Variants in SLC4A7 observed in about 807,000 individuals in gnomAD.
SLC4A7 encodes sodium bicarbonate cotransporter 3.
Under a neutral mutation model 137.6 loss-of-function variants are expected in SLC4A7, and 51 were observed. The observed-to-expected ratio is 0.37, with a 90% CI of 0.30 to 0.47. SLC4A7 has a LOEUF of 0.47. Among genes scored for constraint, SLC4A7 ranks in the 20% least tolerant of loss-of-function variants. SLC4A7 has a pLI of 1.00. For missense variants in SLC4A7, 1,247 were observed against 1,525.4 expected (o/e 0.82, Z 3.04); for synonymous variants, 542 against 518.6 (o/e 1.05, Z -0.61).
chr3:27,453,764 C>T (rs965276466), intron 1 of SLC4A7, among the ~76,000 whole-genome samples: 1 of 152,104 alleles, frequency 6.6e-6, no homozygotes, highest in Non-Finnish European at 1.5e-5. Context: ...TATTTGTTAT[C>T]CAAAACTCAG....
chr3:27,465,116 G>A (rs2058912050), intron 1 of SLC4A7, among the ~76,000 whole-genome samples: 1 of 151,796 alleles, frequency 6.6e-6, no homozygotes, highest in African/African-American at 2.4e-5. Flanking sequence ...AGGACAACAT[G>A]GTGAAACCCT....
chr3:27,401,853 G>A (rs1384576545), intron 15 of SLC4A7, among the ~76,000 whole-genome samples: 1 of 152,082 alleles, frequency 6.6e-6, no homozygotes, highest in Non-Finnish European at 1.5e-5. Context: ...AGAAGCAAAA[G>A]GCAAGGAAAG....
chr3:27,441,010 A>G (rs1389450719), intron 3 of SLC4A7, among the ~76,000 whole-genome samples: 1 of 152,192 alleles, frequency 6.6e-6, no homozygotes, highest in African/African-American at 2.4e-5. Context: ...GCATCATCGC[A>G]CACCAGCCTG....
chr3:27,467,146 A>C (rs1039618033), intron 1 of SLC4A7, among the ~76,000 whole-genome samples: 1 of 152,142 alleles, frequency 6.6e-6, no homozygotes, highest in Non-Finnish European at 1.5e-5. Flanking sequence ...ATAATTTAAA[A>C]TCATGTCCCA....
intron 2 of SLC4A7, among the ~76,000 whole-genome samples, chr3:27,451,856 G>T (rs940157690): frequency 6.6e-6 from 1 of 152,080 alleles, no homozygotes; most frequent in African/African-American, 2.4e-5. Context: ...GGAGAAACTG[G>T]GTGAAGTGTA....
At position 27,484,133 on chromosome 3, in the gene SLC4A7, C is replaced by T; in HGVS notation, c.-7G>A. On this transcript the variant is annotated 5_prime_UTR_variant, in exon 1 of 26. Coordinates refer to ENST00000454389, the MANE Select transcript of SLC4A7 (RefSeq NM_001321103.2). The stretch of plus-strand genomic sequence containing the variant: ...CGGCCCCATCAGCCTCCATGGCCGG[C>T]CGGCCAGCCCGTGACGGCCGCTACG... 1.5e-6 allele frequency: 2 copies of T among 1,371,620 alleles called. No individual in the cohort carries two copies. The highest frequency in any genetic ancestry group is 2.9e-5 in the Admixed American group (1 of 34,566). 85.0% of individuals were successfully genotyped at this position (1,371,620 alleles called of 1,614,324 possible). A position where few individuals can be genotyped will look rare whatever the true frequency, so the allele number is the denominator to read the frequency against.
At position 27,425,239 on chromosome 3, in the gene SLC4A7, G is replaced by T. The variant is rs552632043; in HGVS notation, c.1151-1087C>A. Among the ~76,000 whole-genome samples, 4 of 151,880 alleles carry T rather than the reference G, an allele frequency of 2.6e-5. No homozygotes were observed. The South Asian group carries it at 6.2e-4, about 24-fold the overall frequency. On this transcript the variant is annotated intron_variant, in intron 7 of 25. Coordinates refer to ENST00000454389, the MANE Select transcript of SLC4A7 (RefSeq NM_001321103.2). ...TACAAAATAAGCCGGGCGTGATGGC[G>T]TGTGCCTGTAGTCCCAGCTATTTGG...
intron 1 of SLC4A7, among the ~76,000 whole-genome samples, chr3:27,474,173 A>C (rs1252983203): frequency 6.6e-6 from 1 of 152,158 alleles, no homozygotes; most frequent in East Asian, 1.9e-4. Context: ...AGCTATCTAC[A>C]ACAAGAATCA....
intron 1 of SLC4A7, among the ~76,000 whole-genome samples, chr3:27,466,482 T>C (rs62257196): frequency 0.13 from 19,416 of 145,618 alleles, 1,233 homozygotes; most frequent in Middle Eastern, 0.2. Flanking sequence ...AGGGGGTACA[T>C]TAAGGTGCAC....
intron 1 of SLC4A7, among the ~76,000 whole-genome samples, chr3:27,475,168 G>A (rs1381206029): frequency 6.6e-6 from 1 of 151,722 alleles, no homozygotes; most frequent in Admixed American, 6.6e-5. Flanking sequence ...CTAAACACCA[G>A]GGGTTTAAGG....
At chr3:27,393,640 T>C (rs796576883) in intron 20 of SLC4A7, among the ~76,000 whole-genome samples, 10 of 152,304 alleles carry the variant, frequency 6.6e-5, no homozygotes, top group African/African-American at 2.2e-4. Context: ...TCACACTGCT[T>C]AGTCCTCACA....
intron 24 of SLC4A7, among the ~76,000 whole-genome samples, chr3:27,379,701 T>C (rs1278906834): frequency 6.8e-6 from 1 of 147,462 alleles, no homozygotes; most frequent in Non-Finnish European, 1.5e-5. Context: ...GTTAATGTGC[T>C]TATACATACA....
intron 1 of SLC4A7, among the ~76,000 whole-genome samples, chr3:27,467,554 A>G (rs1160521500): frequency 1.3e-5 from 2 of 152,270 alleles, no homozygotes; most frequent in African/African-American, 2.4e-5. Flanking sequence ...TGAAGCAAGT[A>G]GCCAAGAAAA....
intron 2 of SLC4A7, 75 bp from the exon 3 acceptor site, chr3:27,448,872 A>C: frequency 4.0e-6 from 4 of 994,072 alleles, no homozygotes; most frequent in Non-Finnish European, 5.8e-6. Context: ...GTACTCCAAA[A>C]TCTACTCTGA....
intron 1 of SLC4A7, among the ~76,000 whole-genome samples, chr3:27,468,485 T>C (rs1249636163): frequency 6.6e-6 from 1 of 152,136 alleles, no homozygotes. Context: ...GGTGGAGGAT[T>C]GCTTGAGCCC....
At position 27,383,226 on chromosome 3, in the gene SLC4A7, C is replaced by T. The variant is rs988128803; in HGVS notation, c.3517G>A (p.Asp1173Asn). Residue 1173 changes from aspartate (D) to asparagine (N), a missense_variant, in exon 24 of 26, where the codon GAT becomes AAT. By Grantham distance (23) the Asp-to-Asn change is conservative (BLOSUM62 1). This residue lies in a region of SLC4A7 where 290 missense variants were observed against 323.8 expected (regional missense o/e 0.90). Transcript: ENST00000454389. ...KEEAERMLQD[D>N]DDTVHLPFEG... ...AATGGAAGGTGCACAGTATCATCAT[C>T]ATCTTGAAGCATCCGTTCAGCTTCC... 3.7e-6 allele frequency: 6 copies of T among 1,611,720 alleles called. No individual in the cohort carries two copies. Among genetic ancestry groups the T allele is most frequent in the Non-Finnish European group, 5.1e-6 (6 of 1,178,348 alleles).
chr3:27,442,079 T>C (rs1306842855), intron 3 of SLC4A7, among the ~76,000 whole-genome samples: 1 of 152,026 alleles, frequency 6.6e-6, no homozygotes, highest in Non-Finnish European at 1.5e-5. Flanking sequence ...TTTCACCATG[T>C]TGGCCAGGCT....
intron 1 of SLC4A7, 151 bp downstream of exon 1, chr3:27,483,916 A>C: frequency 9.5e-6 from 3 of 316,198 alleles, no homozygotes; most frequent in Non-Finnish European, 9.4e-6. Flanking sequence ...CACAAAGGGG[A>C]TGGCGAGGCG....
At chr3:27,461,331 G>A (rs553792096) in intron 1 of SLC4A7, among the ~76,000 whole-genome samples, 5 of 151,798 alleles carry the variant, frequency 3.3e-5, no homozygotes, top group African/African-American at 1.2e-4. Context: ...CCCAGAAGGC[G>A]GAGGTTGCAG....
Sources: allele counts gnomAD v4.1 joint callset (sites outside exome capture counted in the v4.1 genomes callset), GRCh38; gene constraint gnomAD v4.1.1; regional missense constraint gnomAD v4.1.1; transcripts MANE v1.5; gene names NCBI Gene and HGNC (gene_info 2026-07-23, HGNC 2026-07-21).